The following DZANK1 variants were observed in gnomAD, a reference collection of about 807,000 sequenced individuals.
DZANK1 encodes double zinc ribbon and ankyrin repeat-containing protein 1.
A neutral mutation model predicts 94.5 loss-of-function variants in DZANK1; 91 were observed. That is an observed-to-expected ratio of 0.96 (90% CI 0.81 to 1.15). The LOEUF (loss-of-function observed/expected upper bound fraction) is 1.15. DZANK1 is among the 50% of genes most tolerant of loss of function. The probability of loss-of-function intolerance (pLI) is 0.00; values close to 1 mark genes in which losing one functional copy is unlikely to be tolerated. For missense variants in DZANK1, 903 were observed against 916.4 expected (o/e 0.99, Z 0.19); for synonymous variants, 312 against 325.3 (o/e 0.96, Z 0.44).
rs771686647 is a variant in DZANK1 at position 18,428,150 on chromosome 20, CAAAAA to C, written c.862-996_862-992del. Among the ~76,000 whole-genome samples the C allele has an allele frequency of 3.5e-3, 357 of 103,420 alleles. 4 individuals are homozygous for C. The highest frequency in any genetic ancestry group is 0.03 in the Admixed American group (300 of 9,938). 67.8% of individuals were successfully genotyped at this position (103,420 alleles called of 152,430 possible). On this transcript the variant is annotated intron_variant, in intron 9 of 20. Transcript: ENST00000262547. Reference sequence around the variant, plus strand: ...TGGGTGACAGAGCAAGACTCCGTCTCAAAAAAAAAAAAAAGAAAGAGAGTGGTAAG... The same window carrying C: ...TGGGTGACAGAGCAAGACTCCGTCTCAAAAAAAAAGAAAGAGAGTGGTAAG...
chr20:18,396,359 C>T, intron 15 of DZANK1, 113 bp downstream of exon 15: 3 of 861,420 alleles, frequency 3.5e-6, no homozygotes, highest in Non-Finnish European at 5.5e-6. Flanking sequence ...AGTAGCATTT[C>T]ATAATGTGTG....
chr20:18,435,041 G>T (rs1490005271), intron 8 of DZANK1, among the ~76,000 whole-genome samples: 4 of 152,170 alleles, frequency 2.6e-5, no homozygotes, highest in Non-Finnish European at 5.9e-5. Flanking sequence ...ACATAAACCA[G>T]AGTAGGCCCA....
At chr20:18,450,313 G>A (rs1749114259) in intron 6 of DZANK1, among the ~76,000 whole-genome samples, 1 of 152,100 alleles carries the variant, frequency 6.6e-6, no homozygotes, top group African/African-American at 2.4e-5. Flanking sequence ...TACTTTGGGA[G>A]GCTGAGGCAG....
At chr20:18,389,978 A>C in intron 18 of DZANK1, 150 bp from the exon 19 acceptor site, 68 of 1,241,824 alleles carry the variant, frequency 5.5e-5, no homozygotes, top group Non-Finnish European at 6.8e-5. Flanking sequence ...CAGGAACCTC[A>C]AGACCTGATC....
At position 18,407,630 on chromosome 20, in the gene DZANK1, GA is replaced by G. The variant is rs2057028745; in HGVS notation, c.1432+5015del. ...ACAGAGATATATGACCTTTCAGACAGAAAGTTCAAAATAGCTGTTTTAAGGA... is the reference window on the plus strand; with the variant it reads ...ACAGAGATATATGACCTTTCAGACAGAAGTTCAAAATAGCTGTTTTAAGGA... On this transcript the variant is annotated intron_variant, in intron 13 of 20. Coordinates refer to ENST00000262547, the Ensembl canonical transcript of DZANK1. Among the ~76,000 whole-genome samples the G allele has an allele frequency of 2.0e-5, 3 of 152,182 alleles. No homozygotes were observed. The South Asian group carries it at 6.2e-4, about 32-fold the overall frequency.
At chr20:18,444,316 C>T (rs1037943799) in intron 7 of DZANK1, among the ~76,000 whole-genome samples, 2 of 152,258 alleles carry the variant, frequency 1.3e-5, no homozygotes, top group African/African-American at 4.8e-5. Context: ...GCCAGAGCAA[C>T]AACAGTTCCC....
rs547893443 is a variant in DZANK1, at chr20:18,466,025, A to C, written c.-19-648T>G. Among the ~76,000 whole-genome samples the C allele has an allele frequency of 5.9e-5, 9 of 152,308 alleles. No individual in the cohort carries two copies. In the South Asian group the frequency reaches 1.9e-3, roughly 32 times the overall value. ...TACTGTATTTATAAATCCTGGTATT[A>C]ATAATTAACTACCAGTATGAAAGCC... On this transcript the variant is annotated intron_variant, in intron 1 of 20. Coordinates refer to ENST00000262547, the Ensembl canonical transcript of DZANK1.
At chr20:18,450,708 T>C (rs1198222847) in intron 6 of DZANK1, among the ~76,000 whole-genome samples, 2 of 152,208 alleles carry the variant, frequency 1.3e-5, no homozygotes, top group African/African-American at 2.4e-5. Flanking sequence ...CATGCAATCA[T>C]GGGCACACAA....
chr20:18,452,775 C>T lies in DZANK1; in HGVS notation c.476-93G>A, dbSNP rs761112263. ...ATTAAAAACATTATTCTTTGAGCAT[C>T]TGTAATTATACATAATCATACAAAG... On this transcript the variant is annotated intron_variant, in intron 5 of 20. Coordinates refer to ENST00000262547, the Ensembl canonical transcript of DZANK1. 8 of 1,525,888 alleles carry T rather than the reference C, an allele frequency of 5.2e-6. No homozygotes were observed. In the African/African-American group the frequency reaches 8.4e-5, roughly 16 times the overall value. The allele number at this position is 1,525,888 out of a possible 1,614,324, so 94.5% of individuals were successfully genotyped here.
rs746849598 is a variant in DZANK1 at position 18,452,731 on chromosome 20, C to T, written c.476-49G>A. The T allele has an allele frequency of 3.2e-6, 5 of 1,576,296 alleles. No homozygotes were observed. In the Admixed American group the frequency reaches 7.5e-5, roughly 24 times the overall value. ...GTTTTAGGGTCAGTTCTTTCACCTA[C>T]CTGGACGTCTACAATGATATTAAAA... On this transcript the variant is annotated intron_variant, in intron 5 of 20. Transcript: ENST00000262547.
intron 12 of DZANK1, 66 bp downstream of exon 12, chr20:18,414,282 G>C: frequency 1.9e-6 from 3 of 1,574,368 alleles, no homozygotes; most frequent in Non-Finnish European, 2.6e-6. Flanking sequence ...TCACAGGGTG[G>C]AGCACACACA....
chr20:18,439,696 G>A (rs1162047280), intron 8 of DZANK1, among the ~76,000 whole-genome samples: 2 of 152,196 alleles, frequency 1.3e-5, no homozygotes, highest in Admixed American at 1.3e-4. Flanking sequence ...AACTTTTTAA[G>A]GATGCAGCTG....
intron 7 of DZANK1, among the ~76,000 whole-genome samples, chr20:18,448,385 G>T (rs1406193260): frequency 1.3e-5 from 2 of 152,112 alleles, no homozygotes; most frequent in Non-Finnish European, 2.9e-5. Context: ...GATGAGCGGG[G>T]GTAAAAGGAA....
chr20:18,398,707 C>T lies in DZANK1; in HGVS notation c.1433-81G>A, dbSNP rs1244223962. On this transcript the variant is annotated intron_variant, in intron 13 of 20. Coordinates refer to ENST00000262547, the Ensembl canonical transcript of DZANK1. The stretch of plus-strand genomic sequence containing the variant: ...AAAATGATAGCATGGAACATATGTT[C>T]TTAGAGAGGTTAATTTCCTTTGTCA... 2.9e-5 allele frequency: 39 copies of T among 1,336,578 alleles called. No individual in the cohort carries two copies. The East Asian group carries it at 8.5e-4, about 29-fold the overall frequency. The allele number at this position is 1,336,578 out of a possible 1,614,324, so 82.8% of individuals were successfully genotyped here. A position where few individuals can be genotyped will look rare whatever the true frequency, so the allele number is the denominator to read the frequency against.
intron 8 of DZANK1, among the ~76,000 whole-genome samples, chr20:18,442,749 T>C (rs757179821): frequency 2.0e-5 from 3 of 152,154 alleles, no homozygotes; most frequent in Non-Finnish European, 4.4e-5. Flanking sequence ...TTTCATCCCT[T>C]TATTCCAAGT....
chr20:18,419,073 C>T (rs1464931874), intron 10 of DZANK1, among the ~76,000 whole-genome samples: 1 of 151,994 alleles, frequency 6.6e-6, no homozygotes, highest in African/African-American at 2.4e-5. Flanking sequence ...ACCAGCCTGG[C>T]CAACATGGTA....
At chr20:18,384,596 TGAAGGA>T in intron 20 of DZANK1, 32 bp from the exon 21 acceptor site, 1 of 1,549,852 alleles carries the variant, frequency 6.5e-7, no homozygotes, top group East Asian at 2.3e-5. Context: ...GGAGGTGCAC[TGAAGGA>T]CTTGAACATG....
intron 9 of DZANK1, among the ~76,000 whole-genome samples, chr20:18,429,627 G>A (rs891443927): frequency 6.6e-6 from 1 of 152,114 alleles, no homozygotes; most frequent in Non-Finnish European, 1.5e-5. Context: ...TTACATTAGG[G>A]TCCAGCACTC....
At chr20:18,388,519 C>T (rs1259002993) in intron 19 of DZANK1, among the ~76,000 whole-genome samples, 2 of 152,198 alleles carry the variant, frequency 1.3e-5, no homozygotes, top group Admixed American at 1.3e-4. Flanking sequence ...GTATCAACCA[C>T]AAACATACTT....
Sources: gnomAD v4.1 joint callset for allele counts (sites outside exome capture counted in the v4.1 genomes callset) on GRCh38, gnomAD v4.1.1 for gene constraint, MANE v1.5 for transcripts, NCBI Gene and HGNC (gene_info 2026-07-23, HGNC 2026-07-21) for gene names.